Variants in C3 observed in about 807,000 individuals in gnomAD.
C3 encodes C3 and PZP-like alpha-2-macroglobulin domain-containing protein 1.
In C3, 97 loss-of-function variants were observed where a neutral mutation model predicts 207.9. The ratio of observed to expected loss-of-function variants is 0.47; its 90% CI spans 0.40 to 0.55. The LOEUF is 0.55. Among genes scored for constraint, C3 ranks in the 20% least tolerant of loss-of-function variants. The pLI, the probability that C3 is intolerant of heterozygous loss-of-function variation, is 0.00. For synonymous variants in C3, 848 were observed against 857.6 expected, an observed-to-expected ratio of 0.99 and a Z score of 0.20; for missense variants, 1,684 against 2,171.7, an observed-to-expected ratio of 0.78 and a Z score of 4.46.
In C3 at chr19:6,710,774, C is replaced by T; in HGVS notation, c.1551G>A (p.Leu517=). 1 of 1,613,866 alleles carries T rather than the reference C, an allele frequency of 6.2e-7. No homozygotes were observed. The highest frequency in any genetic ancestry group is 8.5e-7 in the Non-Finnish European group (1 of 1,180,006). Residue 517 remains leucine, a synonymous_variant, in exon 13 of 41, where the codon CTG becomes CTA. Transcript: ENST00000245907. ...TGAAGTCGGTGGTGATGGACAGGGG[C>T]AGCACCACCAGGTCCTGGCCGGGCT... is the stretch of plus-strand genomic sequence containing the variant. ...VREPGQDLVV[L]PLSITTDFIP...
intron 26 of C3, 85 bp downstream of exon 26, chr19:6,692,839 A>C: frequency 6.6e-7 from 1 of 1,510,396 alleles, no homozygotes; most frequent in African/African-American, 1.4e-5. Flanking sequence ...CAGTGGGCAC[A>C]TGGAGGTGGG....
At chr19:6,697,053 C>CAAAAAAA (rs1967552583) in intron 21 of C3, among the ~76,000 whole-genome samples, 1 of 114,136 alleles carries the variant, frequency 8.8e-6, no homozygotes, top group Non-Finnish European at 1.9e-5. Flanking sequence ...AAAAAATAAA[C>CAAAAAAA]AAACAAATAA....
intron 26 of C3, 98 bp downstream of exon 26, chr19:6,692,826 G>T: frequency 7.1e-7 from 1 of 1,408,432 alleles, no homozygotes; most frequent in Non-Finnish European, 9.9e-7. Flanking sequence ...AAAGGGAATT[G>T]GGCAGTGGGC....
chr19:6,695,981 G>A lies in C3; in HGVS notation c.2950+398C>T, dbSNP rs552980775. Among the ~76,000 whole-genome samples the A allele has an allele frequency of 3.3e-5, 5 of 151,922 alleles. No individual in the cohort carries two copies. The South Asian group carries it at 8.3e-4, about 25-fold the overall frequency. On this transcript the variant is annotated intron_variant, in intron 23 of 40. Transcript: ENST00000245907. ...TCCCAGCACTTTGGGAGGCTGAGGC[G>A]GGTGGATCACGAGGTCAGGAGATCG...
intron 26 of C3, among the ~76,000 whole-genome samples, chr19:6,691,919 G>A (rs1918177114): frequency 6.6e-6 from 1 of 151,688 alleles, no homozygotes; most frequent in South Asian, 2.1e-4. Context: ...CCTGGGAGGT[G>A]GAGGTTGCAG....
chr19:6,677,871 T>G lies in C3; in HGVS notation c.*11A>C, dbSNP rs1411871899. The G allele has an allele frequency of 6.2e-7, 1 of 1,613,302 alleles. No homozygotes were observed. Among genetic ancestry groups the G allele is most frequent in the Non-Finnish European group, 8.5e-7 (1 of 1,179,920 alleles). On this transcript the variant is annotated 3_prime_UTR_variant, in exon 41 of 41. Coordinates refer to ENST00000245907, the MANE Select transcript of C3 (RefSeq NM_000064.4). The stretch of plus-strand genomic sequence containing the variant: ...TGAAGCTTTATCTGGAGTGGGGGAA[T>G]GGGGGTGTGGTCAGTTGGGGCACCC...
In C3 at chr19:6,700,452, A is replaced by AAT. The variant is rs1242675908; in HGVS notation, c.2440+1673_2440+1674dup. Among the ~76,000 whole-genome samples, 4 of 26,882 alleles carry AAT rather than the reference A, an allele frequency of 1.5e-4. 2 individuals are homozygous for AAT. Among genetic ancestry groups the AAT allele is most frequent in the Non-Finnish European group, 2.3e-4 (4 of 17,384 alleles). The allele number at this position is 26,882 out of a possible 152,430, so 17.6% of individuals were successfully genotyped here. The stretch of plus-strand genomic sequence containing the variant: ...ATGATATATGTAATATGATATATGT[A>AAT]ATATATATGTTATATATGTAATATA... On this transcript the variant is annotated intron_variant, in intron 19 of 40. Coordinates refer to ENST00000245907, the MANE Select transcript of C3 (RefSeq NM_000064.4).
At chr19:6,697,123 C>T (rs1466995908) in intron 21 of C3, among the ~76,000 whole-genome samples, 1 of 151,306 alleles carries the variant, frequency 6.6e-6, no homozygotes, top group Non-Finnish European at 1.5e-5. Flanking sequence ...TGATGGTCGA[C>T]GAGGTTTTTG....
chr19:6,711,278 C>T, intron 11 of C3, 82 bp from the exon 12 acceptor site: 2 of 1,138,380 alleles, frequency 1.8e-6, no homozygotes, highest in Non-Finnish European at 2.6e-6. Flanking sequence ...GAATTGGTGG[C>T]CTTTCTTAAC....
At chr19:6,689,342 TCCCTCCCTCCCTCCCTCC>T (rs1918103733) in intron 27 of C3, among the ~76,000 whole-genome samples, 1 of 25,916 alleles carries the variant, frequency 3.9e-5, no homozygotes, top group Non-Finnish European at 7.4e-5. Context: ...CCTCCCTCCC[TCCCTCCCTCCCTCCCTCC>T]CTCTCTCTCT....
At chr19:6,709,950 C>G in intron 13 of C3, 108 bp from the exon 14 acceptor site, 3 of 724,942 alleles carry the variant, frequency 4.1e-6, no homozygotes, top group Non-Finnish European at 6.0e-6. Context: ...TTGGGGGGAG[C>G]CGTGGGGCTG....
At chr19:6,706,130 C>T (rs1021443321) in intron 17 of C3, among the ~76,000 whole-genome samples, 8 of 152,230 alleles carry the variant, frequency 5.3e-5, no homozygotes, top group African/African-American at 1.7e-4. Context: ...TTCTGGAATG[C>T]CACACAAATT....
Position 6,712,546 on chromosome 19 carries a change from G to C in C3, c.1081C>G (p.Pro361Ala). Reference sequence around the variant, plus strand: ...GGCATTCCTGGTTTGAAGTACTTGGGTGTCTTGGTGAAGTGGATCTGGTAG... The same window carrying C: ...GGCATTCCTGGTTTGAAGTACTTGGCTGTCTTGGTGAAGTGGATCTGGTAG... ...SPYQIHFTKT[P>A]KYFKPGMPFD... is the part of the protein sequence containing the mutation. The change falls in exon 10 of 41, where the codon CCC becomes GCC. Residue 361 changes from proline to alanine, a missense_variant. Pro to Ala is a conservative substitution (Grantham distance 27). This residue lies in a region of C3 where 1,280 missense variants were observed against 1,739.1 expected (regional missense o/e 0.74). Coordinates refer to ENST00000245907, the MANE Select transcript of C3 (RefSeq NM_000064.4). The C allele has an allele frequency of 6.2e-7, 1 of 1,614,176 alleles. No homozygotes were observed. The highest frequency in any genetic ancestry group is 1.1e-5 in the South Asian group (1 of 91,092).
At chr19:6,697,861 C>T (rs1967573199) in intron 19 of C3, 67 bp from the exon 20 acceptor site, 1 of 1,526,452 alleles carries the variant, frequency 6.6e-7, no homozygotes, top group Non-Finnish European at 8.9e-7. Context: ...GCTCCTGGGT[C>T]TCAGCTCTTA....
intron 29 of C3, among the ~76,000 whole-genome samples, chr19:6,685,734 A>C (rs1273403429): frequency 6.6e-6 from 1 of 152,174 alleles, no homozygotes; most frequent in Non-Finnish European, 1.5e-5. Context: ...CCAGTGAGGC[A>C]ATGTGACATT....
chr19:6,693,020 T>C lies in C3; in HGVS notation c.3294A>G (p.Gln1098=), dbSNP rs759806933. ...LAVNLIAIDS[Q]VLCGAVKWLI... is the part of the protein sequence containing the mutation. ...GCCATTTAACAGCCCCGCAGAGGAC[T>C]TGGGAGTCGATGGCGATGAGGTTGA... Residue 1098 remains glutamine, a synonymous_variant, in exon 26 of 41, where the codon CAA becomes CAG. Transcript: ENST00000245907. 20 of 1,614,006 alleles carry C rather than the reference T, an allele frequency of 1.2e-5. No homozygotes were observed. The highest frequency in any genetic ancestry group is 1.6e-5 in the Non-Finnish European group (19 of 1,180,024).
At chr19:6,690,566 C>T in intron 27 of C3, 63 bp downstream of exon 27, 3 of 1,328,392 alleles carry the variant, frequency 2.3e-6, no homozygotes, top group Non-Finnish European at 3.3e-6. Flanking sequence ...CTCTCACTCT[C>T]CAAGGTGGCT....
At chr19:6,698,660 G>T in intron 19 of C3, among the ~76,000 whole-genome samples, 1 of 152,026 alleles carries the variant, frequency 6.6e-6, no homozygotes, top group Non-Finnish European at 1.5e-5. Context: ...AGTGAGCTAT[G>T]ATCGCACCAC....
At chr19:6,684,696 G>A (rs1917954098) in intron 31 of C3, 46 bp from the exon 32 acceptor site, 1 of 1,600,052 alleles carries the variant, frequency 6.2e-7, no homozygotes, top group Admixed American at 1.7e-5. Context: ...ACAGGACTAG[G>A]ACTGCTGGGG....
Sources: allele counts gnomAD v4.1 joint callset (sites outside exome capture counted in the v4.1 genomes callset), GRCh38; gene constraint gnomAD v4.1.1; regional missense constraint gnomAD v4.1.1; transcripts MANE v1.5; gene names NCBI Gene and HGNC (gene_info 2026-07-23, HGNC 2026-07-21).